The following MALT1 variants were observed in gnomAD, a reference collection of about 807,000 sequenced individuals.
MALT1 encodes the protein mucosa-associated lymphoid tissue lymphoma translocation protein 1.
Under a neutral mutation model 85.5 loss-of-function variants are expected in MALT1, and 36 were observed. The observed-to-expected ratio is 0.42, with a 90% confidence interval of 0.32 to 0.56. MALT1 has a LOEUF of 0.56. Ranked by LOEUF, MALT1 falls within the 20% of genes least tolerant of loss-of-function variation. The pLI is 0.10. For synonymous variants in MALT1, 359 were observed against 361.3 expected (o/e 0.99, Z 0.07); for missense variants, 716 against 981.6 (o/e 0.73, Z 3.62).
intron 13 of MALT1, among the ~76,000 whole-genome samples, chr18:58,737,828 C>A (rs147439379): frequency 1.3e-5 from 2 of 152,174 alleles, no homozygotes; most frequent in Non-Finnish European, 1.5e-5. Context: ...AGTGATCCAC[C>A]GGCCTCAGCC....
chr18:58,728,864 C>T (rs2055103615), intron 10 of MALT1, among the ~76,000 whole-genome samples: 1 of 152,090 alleles, frequency 6.6e-6, no homozygotes, highest in African/African-American at 2.4e-5. Flanking sequence ...GGAAGCTAAG[C>T]CTTCCCTCAG....
intron 1 of MALT1, among the ~76,000 whole-genome samples, chr18:58,677,830 T>G (rs2054263644): frequency 1.3e-5 from 2 of 152,190 alleles, no homozygotes. Flanking sequence ...AAAATTGAAC[T>G]AGGATGCTTA....
chr18:58,718,116 CTG>C (rs949588119), intron 9 of MALT1, among the ~76,000 whole-genome samples: 3 of 152,090 alleles, frequency 2.0e-5, no homozygotes, highest in African/African-American at 7.2e-5. Context: ...AAATTTAAAA[CTG>C]TAAGTGTTTA....
At chr18:58,738,554 G>A (rs2055256716) in intron 13 of MALT1, among the ~76,000 whole-genome samples, 1 of 152,140 alleles carries the variant, frequency 6.6e-6, no homozygotes, top group Non-Finnish European at 1.5e-5. Flanking sequence ...TCCATTTTGA[G>A]AGAGAATGCC....
chr18:58,688,332 A>G (rs2054438637), intron 2 of MALT1, among the ~76,000 whole-genome samples: 1 of 149,602 alleles, frequency 6.7e-6, no homozygotes, highest in Non-Finnish European at 1.5e-5. Flanking sequence ...ACACACGCTT[A>G]TTAATAAAGT....
At chr18:58,693,315 G>A (rs751128514) in intron 2 of MALT1, among the ~76,000 whole-genome samples, 3 of 152,134 alleles carry the variant, frequency 2.0e-5, no homozygotes, top group South Asian at 2.1e-4. Context: ...CCAGCCACTC[G>A]GGAGGCTGAG....
At chr18:58,724,327 T>G (rs1187886580) in intron 10 of MALT1, among the ~76,000 whole-genome samples, 1 of 151,990 alleles carries the variant, frequency 6.6e-6, no homozygotes, top group East Asian at 1.9e-4. Flanking sequence ...CTCTAAATAG[T>G]GAGGATTTAG....
At position 58,688,495 on chromosome 18, in the gene MALT1, T is replaced by TATGAGGCCAACCTGGGCAACATA. The variant is rs1555683375; in HGVS notation, c.376+7168_376+7190dup. Reference sequence around the variant, plus strand: ...TTGAGGCCAGCAGTTCCAGGCAACATATGAGGCCAACCTGGGCAACATAAT... The same window carrying TATGAGGCCAACCTGGGCAACATA: ...TTGAGGCCAGCAGTTCCAGGCAACATATGAGGCCAACCTGGGCAACATAATGAGGCCAACCTGGGCAACATAAT... On this transcript the variant is annotated intron_variant, in intron 2 of 16. Transcript: ENST00000649217. Among the ~76,000 whole-genome samples, 954 of 119,394 alleles carry TATGAGGCCAACCTGGGCAACATA rather than the reference T, an allele frequency of 8.0e-3. 22 individuals carry two copies. Among genetic ancestry groups the TATGAGGCCAACCTGGGCAACATA allele is most frequent in the African/African-American group, 0.03 (920 of 30,634 alleles). The allele number at this position is 119,394 out of a possible 152,430, so 78.3% of individuals were successfully genotyped here. A position where few individuals can be genotyped will look rare whatever the true frequency, so the allele number is the denominator to read the frequency against.
chr18:58,691,050 TC>T (rs2054490819), intron 2 of MALT1: 1 of 255,078 alleles, frequency 3.9e-6, no homozygotes, highest in Non-Finnish European at 7.9e-6. Flanking sequence ...TGGAATTGTG[TC>T]TGTTCTTCAG....
intron 2 of MALT1, among the ~76,000 whole-genome samples, chr18:58,687,268 G>C (rs781708305): frequency 6.6e-6 from 1 of 152,160 alleles, no homozygotes; most frequent in African/African-American, 2.4e-5. Flanking sequence ...GGGAGAGAAA[G>C]GGCTGGTGAG....
At chr18:58,709,708 A>C (rs1379941738) in intron 5 of MALT1, 152 bp downstream of exon 5, 1 of 726,020 alleles carries the variant, frequency 1.4e-6, no homozygotes, top group South Asian at 2.4e-5. Flanking sequence ...TTTCATATTA[A>C]CTAGCTCTTA....
rs57384011 is a variant in MALT1, at chr18:58,748,794, G to GTCTC, written c.*953_*956dup. On this transcript the variant is annotated 3_prime_UTR_variant, in exon 17 of 17. Coordinates refer to ENST00000649217, the MANE Select transcript of MALT1 (RefSeq NM_006785.4). ...AAATACTGAATTAGTAATTTTAAAA[G>GTCTC]TCTCACAAAGAAAATCCCAGGCCTA... 0.23 allele frequency: 45,867 copies of GTCTC among 198,738 alleles called. 5,413 individuals are homozygous for GTCTC. Among genetic ancestry groups the GTCTC allele is most frequent in the Middle Eastern group, 0.31 (176 of 562 alleles). The allele number at this position is 198,738 out of a possible 1,614,324, so 12.3% of individuals were successfully genotyped here. A position where few individuals can be genotyped will look rare whatever the true frequency, so the allele number is the denominator to read the frequency against.
intron 6 of MALT1, 127 bp downstream of exon 6, chr18:58,710,199 A>G (rs779129334): frequency 1.3e-5 from 6 of 474,584 alleles, no homozygotes; most frequent in Non-Finnish European, 2.2e-5. Flanking sequence ...GTTAAGCATT[A>G]GAAGTTATAT....
intron 4 of MALT1, among the ~76,000 whole-genome samples, chr18:58,708,756 A>G (rs953571434): frequency 1.3e-5 from 2 of 152,240 alleles, no homozygotes; most frequent in African/African-American, 4.8e-5. Context: ...CATTCAATGA[A>G]TATTACTGAT....
chr18:58,679,279 A>T (rs1397059228), intron 1 of MALT1, among the ~76,000 whole-genome samples: 1 of 152,270 alleles, frequency 6.6e-6, no homozygotes, highest in Non-Finnish European at 1.5e-5. Flanking sequence ...GAATAGTTTT[A>T]ATAAAAGGAC....
rs1434838317 is a variant in MALT1, at chr18:58,744,329, C to A, written c.1754-9C>A. On this transcript the variant is annotated splice_polypyrimidine_tract_variant and intron_variant, in intron 14 of 16. Coordinates refer to ENST00000649217, the MANE Select transcript of MALT1 (RefSeq NM_006785.4). ...ACCTACCAAAGTTGTTCTTATTGTT[C>A]TTTTTCAGAACTTCCAGAAAGTATG... The A allele has an allele frequency of 6.3e-7, 1 of 1,580,776 alleles. No homozygotes were observed. Among genetic ancestry groups the A allele is most frequent in the South Asian group, 1.2e-5 (1 of 84,728 alleles).
intron 2 of MALT1, 114 bp from the exon 3 acceptor site, chr18:58,696,252 A>G: frequency 4.7e-6 from 4 of 853,138 alleles, no homozygotes; most frequent in Non-Finnish European, 6.5e-6. Flanking sequence ...GATTTATGAC[A>G]AAGATAAATA....
intron 10 of MALT1, among the ~76,000 whole-genome samples, chr18:58,730,623 T>A (rs2055135543): frequency 6.6e-6 from 1 of 152,254 alleles, no homozygotes; most frequent in Admixed American, 6.5e-5. Flanking sequence ...GGACGTAGTT[T>A]CCATTTCTCT....
intron 9 of MALT1, among the ~76,000 whole-genome samples, chr18:58,718,991 G>A (rs1223062771): frequency 1.3e-5 from 2 of 152,330 alleles, no homozygotes; most frequent in African/African-American, 4.8e-5. Context: ...AATAGATGGT[G>A]TGGGTGAGGA....
Sources: gnomAD v4.1 joint callset for allele counts (sites outside exome capture counted in the v4.1 genomes callset) on GRCh38, gnomAD v4.1.1 for gene constraint, MANE v1.5 for transcripts, NCBI Gene and HGNC (gene_info 2026-07-23, HGNC 2026-07-21) for gene names.